The following RIC3 variants were observed in gnomAD, a reference collection of about 807,000 sequenced individuals.
RIC3 encodes the protein RIC3 acetylcholine receptor chaperone.
RIC3 carries 28 observed loss-of-function variants against 27.3 expected under a neutral mutation model. That is an observed-to-expected ratio of 1.02 (90% CI 0.76 to 1.41). The LOEUF is 1.41. Ranked by LOEUF, RIC3 falls within the 40% of genes most tolerant of loss-of-function variation. RIC3 has a pLI of 0.00. For missense variants in RIC3, 501 were observed against 444.7 expected (o/e 1.13, Z -1.14); for synonymous variants, 184 against 160.4 (o/e 1.15, Z -1.11).
rs1945497644 is a variant in RIC3 at position 8,113,548 on chromosome 11, C to G, written c.671-2411G>C. Among the ~76,000 whole-genome samples, 6 of 152,168 alleles carry G rather than the reference C, an allele frequency of 3.9e-5. No homozygotes were observed. The South Asian group carries it at 1.2e-3, about 32-fold the overall frequency. Reference sequence around the variant, plus strand: ...ATAGCCCAGTGCCAAATTGGCACCCCAATGGCACCCAAATTGGAGCCTGCA... The same window carrying G: ...ATAGCCCAGTGCCAAATTGGCACCCGAATGGCACCCAAATTGGAGCCTGCA... On this transcript the variant is annotated intron_variant, in intron 5 of 5. Transcript: ENST00000309737.
chr11:8,100,602 G>A, the RIC3 span: 1 of 1,613,454 alleles, frequency 6.2e-7, no homozygotes, highest in Non-Finnish European at 8.5e-7. Flanking sequence ...CCCCCGCAAC[G>A]TGAGTGTCTA....
At chr11:8,164,576 G>C (rs995538436) in intron 1 of RIC3, among the ~76,000 whole-genome samples, 1 of 152,006 alleles carries the variant, frequency 6.6e-6, no homozygotes, top group Non-Finnish European at 1.5e-5. Context: ...AGAAGTTCAA[G>C]ACCAGCCTGG....
chr11:8,111,175 T>G, intron 5 of RIC3, 38 bp from the exon 6 acceptor site: 1 of 1,380,002 alleles, frequency 7.2e-7, no homozygotes, highest in South Asian at 1.5e-5. Context: ...ACAAAGAATG[T>G]CTCCTCAAAA....
At chr11:8,134,885 G>A (rs1948190539) in intron 4 of RIC3, among the ~76,000 whole-genome samples, 1 of 152,138 alleles carries the variant, frequency 6.6e-6, no homozygotes, top group African/African-American at 2.4e-5. Context: ...GTAGATTCCG[G>A]ATATTAGCCC....
At chr11:8,094,348 C>G in the RIC3 span, among the ~76,000 whole-genome samples, 1 of 152,122 alleles carries the variant, frequency 6.6e-6, no homozygotes, top group Non-Finnish European at 1.5e-5. Context: ...GGCTCACAGG[C>G]CTCATCTAGC....
the RIC3 span, chr11:8,095,481 G>A: frequency 4.9e-5 from 79 of 1,598,216 alleles, no homozygotes; most frequent in Middle Eastern, 2.0e-4. Context: ...TAACTCAGGC[G>A]TGTCCGTGGC....
chr11:8,100,886 C>T, the RIC3 span: 1 of 1,614,154 alleles, frequency 6.2e-7, no homozygotes, highest in Non-Finnish European at 8.5e-7. Flanking sequence ...CATCGAGCTG[C>T]AAAACAAGAC....
chr11:8,100,374 A>G, the RIC3 span: 1 of 727,716 alleles, frequency 1.4e-6, no homozygotes, highest in Non-Finnish European at 2.4e-6. Context: ...TTAGGTTTAG[A>G]GGGATGTGTG....
chr11:8,093,517 C>T, the RIC3 span, among the ~76,000 whole-genome samples: 31 of 152,276 alleles, frequency 2.0e-4, no homozygotes, highest in African/African-American at 6.3e-4. Flanking sequence ...CTTCTGAGAC[C>T]TCACTGTTGG....
intron 3 of RIC3, among the ~76,000 whole-genome samples, chr11:8,137,939 G>T (rs1274678503): frequency 6.6e-6 from 1 of 152,140 alleles, no homozygotes; most frequent in South Asian, 2.1e-4. Flanking sequence ...TCTTTCCCTA[G>T]ATCTAAAAAC....
chr11:8,128,148 T>A, intron 4 of RIC3: 1 of 456,542 alleles, frequency 2.2e-6, no homozygotes, highest in Non-Finnish European at 4.4e-6. Flanking sequence ...GTGTCCCACA[T>A]AACCCCTATT....
At chr11:8,095,510 C>T in the RIC3 span, 1 of 1,610,280 alleles carries the variant, frequency 6.2e-7, no homozygotes, top group Non-Finnish European at 8.5e-7. Context: ...ACCAGCGGGC[C>T]AGCAGCACTG....
At position 8,168,884 on chromosome 11, in the gene RIC3, G is replaced by A. The variant is rs534065216; in HGVS notation, c.106C>T (p.Pro36Ser). 6.8e-6 allele frequency: 11 copies of A among 1,609,986 alleles called. No homozygotes were observed. Among genetic ancestry groups the A allele is most frequent in the South Asian group, 6.6e-5 (6 of 90,950 alleles). The change falls in exon 1 of 6, where the codon CCG (proline) becomes TCG (serine). Residue 36 changes from proline to serine, a missense_variant. Physicochemically the swap from Pro to Ser is moderately conservative, Grantham distance 74. Transcript: ENST00000309737. ...CTCTTACCTTCAGGTGTCGGCGGCG[G>A]CTCCTGCCGCTTCCCGCGGGACAGG... The part of the protein sequence containing the change: ...AFLSRGKRQE[P>S]PPTPEGKLGR...
At chr11:8,158,999 G>A (rs12279044) in intron 1 of RIC3, among the ~76,000 whole-genome samples, 1 of 150,414 alleles carries the variant, frequency 6.6e-6, no homozygotes, top group East Asian at 2.0e-4. Flanking sequence ...CCAAAGTGCT[G>A]GGATTACAGG....
the RIC3 span, among the ~76,000 whole-genome samples, chr11:8,096,054 G>A: frequency 6.6e-6 from 1 of 152,360 alleles, no homozygotes; most frequent in East Asian, 1.9e-4. Flanking sequence ...GTGGCAGAGG[G>A]AAGAAGCCTG....
At chr11:8,157,539 C>T (rs1950777313) in intron 1 of RIC3, among the ~76,000 whole-genome samples, 1 of 152,208 alleles carries the variant, frequency 6.6e-6, no homozygotes, top group Non-Finnish European at 1.5e-5. Flanking sequence ...CAGGTGTGTT[C>T]CTAGTGGTCT....
At chr11:8,137,243 C>CAAACT in intron 4 of RIC3, 135 bp downstream of exon 4, 1 of 703,482 alleles carries the variant, frequency 1.4e-6, no homozygotes. Context: ...AGGATGGTCT[C>CAAACT]AAACTCCTGA....
chr11:8,133,062 G>T (rs1209726414), intron 4 of RIC3, among the ~76,000 whole-genome samples: 1 of 152,196 alleles, frequency 6.6e-6, no homozygotes, highest in Non-Finnish European at 1.5e-5. Flanking sequence ...ATTAGGACAT[G>T]AGAGCAGAGC....
chr11:8,097,949 C>G, the RIC3 span: 3 of 731,076 alleles, frequency 4.1e-6, no homozygotes, highest in African/African-American at 5.3e-5. Context: ...TCCCAGGATC[C>G]TCTCTGATAA....
Sources: gnomAD v4.1 joint callset for allele counts (sites outside exome capture counted in the v4.1 genomes callset) on GRCh38, gnomAD v4.1.1 for gene constraint, MANE v1.5 for transcripts, NCBI Gene and HGNC (gene_info 2026-07-23, HGNC 2026-07-21) for gene names.